DLG2: variants seen among roughly 807,000 people sequenced by gnomAD.
DLG2 encodes discs large MAGUK scaffold protein 2, also known as disks large homolog 2.
DLG2 carries 45 observed loss-of-function variants against 132.5 expected under a neutral mutation model. That is an observed-to-expected ratio of 0.34 (90% CI 0.27 to 0.44). The LOEUF (loss-of-function observed/expected upper bound fraction) is 0.44. Ranked by LOEUF, DLG2 falls within the 20% of genes least tolerant of loss-of-function variation. The pLI, the probability that DLG2 is intolerant of heterozygous loss-of-function variation, is 1.00. For synonymous variants in DLG2, 424 were observed against 419.6 expected (o/e 1.01, Z -0.13); for missense variants, 1,045 against 1,196.9 (o/e 0.87, Z 1.87).
chr11:84,080,321 T>A (rs1031267234), intron 10 of DLG2, among the ~76,000 whole-genome samples: 1 of 152,170 alleles, frequency 6.6e-6, no homozygotes. Flanking sequence ...AAGATCTATC[T>A]CACCACAATG....
chr11:83,888,610 A>T (rs919484822), intron 15 of DLG2, among the ~76,000 whole-genome samples: 1 of 152,216 alleles, frequency 6.6e-6, no homozygotes, highest in African/African-American at 2.4e-5. Context: ...TTTAAAGTTC[A>T]TATGGAACCA....
intron 8 of DLG2, among the ~76,000 whole-genome samples, chr11:84,174,014 C>CTTT (rs11338428): frequency 1.1e-4 from 7 of 61,212 alleles, no homozygotes; most frequent in African/African-American, 3.3e-4. Flanking sequence ...ACCCCCCGGC[C>CTTT]TTTTTTTTTT....
chr11:83,469,810 A>G (rs1328561786), intron 24 of DLG2, among the ~76,000 whole-genome samples: 11 of 152,214 alleles, frequency 7.2e-5, no homozygotes, highest in African/African-American at 2.7e-4. Context: ...GTCTAAAACC[A>G]TGTCACAAAT....
rs563959209 is a variant in DLG2 at position 84,229,615 on chromosome 11, A to C, written c.573+21623T>G. Among the ~76,000 whole-genome samples, 89 of 152,278 alleles carry C rather than the reference A, an allele frequency of 5.8e-4. 1 individual carries two copies. The highest frequency in any genetic ancestry group is 2.1e-3 in the African/African-American group (87 of 41,564). On this transcript the variant is annotated intron_variant, in intron 8 of 27. Transcript: ENST00000376104. ...GTCTGGGTTGGGCCTCAGATCCTACATTTTTACAAGCTCCCAAGTGATGCT... is the reference window on the plus strand; with the variant it reads ...GTCTGGGTTGGGCCTCAGATCCTACCTTTTTACAAGCTCCCAAGTGATGCT...
intron 10 of DLG2, among the ~76,000 whole-genome samples, chr11:84,091,107 T>A (rs1487832619): frequency 6.6e-6 from 1 of 152,236 alleles, no homozygotes; most frequent in Non-Finnish European, 1.5e-5. Context: ...TTTTGCTTAG[T>A]CTTTGTCTAC....
intron 8 of DLG2, among the ~76,000 whole-genome samples, chr11:84,183,948 G>C (rs2096212317): frequency 1.3e-5 from 2 of 151,952 alleles, no homozygotes; most frequent in Non-Finnish European, 2.9e-5. Context: ...GTGTATATGT[G>C]CCACATTTTC....
intron 6 of DLG2, among the ~76,000 whole-genome samples, chr11:84,718,389 TAAAG>T (rs1177673760): frequency 3.9e-5 from 6 of 151,946 alleles, no homozygotes; most frequent in Non-Finnish European, 5.9e-5. Context: ...GAAGAGAACA[TAAAG>T]AAAGTTAAAC....
intron 4 of DLG2, among the ~76,000 whole-genome samples, chr11:85,238,200 TTTTATTTTA>T (rs1379877893): frequency 4.4e-4 from 63 of 141,908 alleles, no homozygotes; most frequent in African/African-American, 1.5e-3. Context: ...TATTTTTTAT[TTTTATTTTA>T]TTTATTTATT....
intron 4 of DLG2, among the ~76,000 whole-genome samples, chr11:85,162,089 C>T (rs2078074853): frequency 6.6e-6 from 1 of 152,122 alleles, no homozygotes; most frequent in South Asian, 2.1e-4. Flanking sequence ...GCCACCTGGA[C>T]ACTTTGGGCT....
intron 6 of DLG2, among the ~76,000 whole-genome samples, chr11:84,939,494 A>G (rs2049133513): frequency 6.6e-6 from 1 of 152,060 alleles, no homozygotes; most frequent in Non-Finnish European, 1.5e-5. Context: ...ACTAGATCTT[A>G]TTCATTTTAT....
At chr11:84,133,986 A>T (rs1472746810) in intron 9 of DLG2, among the ~76,000 whole-genome samples, 1 of 151,876 alleles carries the variant, frequency 6.6e-6, no homozygotes. Flanking sequence ...TAGCTCTAAT[A>T]TTTTCTGATT....
chr11:84,814,723 C>T (rs2076925716), intron 6 of DLG2, among the ~76,000 whole-genome samples: 1 of 152,122 alleles, frequency 6.6e-6, no homozygotes, highest in African/African-American at 2.4e-5. Context: ...TTTGTCTAGC[C>T]AACTTCACTC....
chr11:84,015,247 A>T (rs1332688749), intron 11 of DLG2, among the ~76,000 whole-genome samples: 1 of 152,192 alleles, frequency 6.6e-6, no homozygotes, highest in Non-Finnish European at 1.5e-5. Flanking sequence ...AATATAAAGA[A>T]GCATGTGCCA....
At chr11:84,447,567 T>C (rs1415842882) in intron 7 of DLG2, among the ~76,000 whole-genome samples, 1 of 152,196 alleles carries the variant, frequency 6.6e-6, no homozygotes, top group Admixed American at 6.5e-5. Context: ...TTCATAAATT[T>C]AAAGTCTTCC....
At chr11:85,046,743 T>C (rs2062385306) in intron 6 of DLG2, among the ~76,000 whole-genome samples, 1 of 151,940 alleles carries the variant, frequency 6.6e-6, no homozygotes, top group African/African-American at 2.4e-5. Flanking sequence ...CGGATTAACA[T>C]AAATTACTTC....
At chr11:83,701,508 T>C (rs1161705035) in intron 18 of DLG2, among the ~76,000 whole-genome samples, 3 of 152,008 alleles carry the variant, frequency 2.0e-5, no homozygotes, top group East Asian at 1.9e-4. Flanking sequence ...ACAAAGGAAA[T>C]TGAGGAAGAA....
chr11:85,536,899 G>A (rs543064314), intron 3 of DLG2, among the ~76,000 whole-genome samples: 117 of 152,294 alleles, frequency 7.7e-4, no homozygotes, highest in African/African-American at 1.8e-3. Context: ...ACTAGGTGCC[G>A]CAAAGTCCCA....
chr11:84,975,176 G>C (rs1378829898), intron 6 of DLG2, among the ~76,000 whole-genome samples: 1 of 152,080 alleles, frequency 6.6e-6, no homozygotes, highest in African/African-American at 2.4e-5. Context: ...TGCCTTAAGT[G>C]GCAGACTACT....
At chr11:85,471,065 A>G (rs2092969461) in intron 3 of DLG2, among the ~76,000 whole-genome samples, 1 of 152,222 alleles carries the variant, frequency 6.6e-6, no homozygotes, top group African/African-American at 2.4e-5. Flanking sequence ...TGAGGTGGGC[A>G]GGATGGCAGA....
Sources: gnomAD v4.1 joint callset for allele counts (sites outside exome capture counted in the v4.1 genomes callset) on GRCh38, gnomAD v4.1.1 for gene constraint, MANE v1.5 for transcripts, NCBI Gene and HGNC (gene_info 2026-07-23, HGNC 2026-07-21) for gene names.